Variants in ATP8A1 observed in about 807,000 individuals in gnomAD.
The protein encoded by ATP8A1 is ATPase phospholipid transporting 8A1, also known as phospholipid-transporting ATPase IA.
ATP8A1 carries 90 observed loss-of-function variants against 177.7 expected under a neutral mutation model. That is an observed-to-expected ratio of 0.51 (90% CI 0.43 to 0.60). The LOEUF (loss-of-function observed/expected upper bound fraction) is 0.60. Ranked by LOEUF, ATP8A1 falls within the 20% of genes least tolerant of loss-of-function variation. The probability of loss-of-function intolerance (pLI) is 0.00; values close to 1 mark genes in which losing one functional copy is unlikely to be tolerated. For synonymous variants in ATP8A1, 493 were observed against 485.9 expected (o/e 1.01, Z -0.19); for missense variants, 1,072 against 1,392.8 (o/e 0.77, Z 3.67).
intron 5 of ATP8A1, among the ~76,000 whole-genome samples, chr4:42,601,597 G>A (rs964277804): frequency 1.3e-5 from 2 of 151,822 alleles, no homozygotes; most frequent in Middle Eastern, 3.2e-3. Flanking sequence ...TGAGGTAGCC[G>A]GCACAGCACT....
At chr4:42,439,910 C>A (rs1343333702) in intron 33 of ATP8A1, among the ~76,000 whole-genome samples, 1 of 152,174 alleles carries the variant, frequency 6.6e-6, no homozygotes, top group Admixed American at 6.6e-5. Context: ...GATCAGACAT[C>A]GAAGTTGAAA....
At position 42,616,020 on chromosome 4, in the gene ATP8A1, G is replaced by A. The variant is rs762949830; in HGVS notation, c.409+13C>T. The A allele has an allele frequency of 1.9e-5, 30 of 1,609,636 alleles. No homozygotes were observed. In the East Asian group the frequency reaches 6.3e-4, roughly 34 times the overall value. Reference sequence around the variant, plus strand: ...TTTGACAAATATGAGAAAAAAGCATGTAAAATTCCTACCTTGCGTTTGTTT... The same window carrying A: ...TTTGACAAATATGAGAAAAAAGCATATAAAATTCCTACCTTGCGTTTGTTT... On this transcript the variant is annotated intron_variant, in intron 5 of 36. Coordinates refer to ENST00000381668, the MANE Select transcript of ATP8A1 (RefSeq NM_006095.2).
intron 36 of ATP8A1, among the ~76,000 whole-genome samples, chr4:42,413,484 G>A (rs10008830): frequency 0.055 from 8,384 of 152,172 alleles, 727 homozygotes; most frequent in African/African-American, 0.19. Flanking sequence ...CTGTGGGAAT[G>A]GCTTCAGGGA....
At chr4:42,540,370 G>C (rs1269104022) in intron 20 of ATP8A1, among the ~76,000 whole-genome samples, 1 of 152,066 alleles carries the variant, frequency 6.6e-6, no homozygotes, top group Non-Finnish European at 1.5e-5. Context: ...AAATAGTATA[G>C]AGAGTTCTCA....
intron 24 of ATP8A1, among the ~76,000 whole-genome samples, chr4:42,500,091 G>A (rs1334262730): frequency 1.3e-5 from 2 of 152,148 alleles, no homozygotes; most frequent in Non-Finnish European, 1.5e-5. Flanking sequence ...TTGGCTGGGC[G>A]CAGTGGCTCA....
intron 15 of ATP8A1, among the ~76,000 whole-genome samples, chr4:42,561,270 TCTC>T (rs1311465938): frequency 6.6e-6 from 1 of 152,096 alleles, no homozygotes; most frequent in Non-Finnish European, 1.5e-5. Context: ...GCACTTATGG[TCTC>T]CTCAATTCCA....
At chr4:42,444,807 C>T (rs113731569) in intron 31 of ATP8A1, among the ~76,000 whole-genome samples, 173 bp from the exon 32 acceptor site, 3,283 of 152,276 alleles carry the variant, frequency 0.022, 65 homozygotes, top group South Asian at 0.091. Flanking sequence ...GGGCAGCTGA[C>T]GGGACTGTGA....
At chr4:42,638,669 C>T (rs1739630451) in intron 1 of ATP8A1, among the ~76,000 whole-genome samples, 1 of 152,200 alleles carries the variant, frequency 6.6e-6, no homozygotes, top group Admixed American at 6.5e-5. Context: ...ATGACATCTC[C>T]TTGGGAATAA....
Position 42,443,629 on chromosome 4 carries a change from ACCACC to A in ATP8A1, c.3054_3058del (p.Trp1018CysfsTer18). 1 of 1,576,900 alleles carries A rather than the reference ACCACC, an allele frequency of 6.3e-7. No individual in the cohort carries two copies. The highest frequency in any genetic ancestry group is 8.7e-7 in the Non-Finnish European group (1 of 1,146,128). The stretch of plus-strand genomic sequence containing the variant: ...CAGAGATGAGTAGATTCCAAAAAAC[ACCACC>A]CAGAGTGCGATGCTCCCCCATATCG... On this transcript the variant is annotated frameshift_variant, in exon 33 of 37. Transcript: ENST00000381668. LOFTEE classifies it high-confidence loss of function.
chr4:42,601,685 A>T (rs1353934331), intron 5 of ATP8A1, among the ~76,000 whole-genome samples: 1 of 152,210 alleles, frequency 6.6e-6, no homozygotes, highest in Non-Finnish European at 1.5e-5. Flanking sequence ...AAAAGCATTT[A>T]ATATTTGTTT....
chr4:42,570,397 A>G (rs1254259681), intron 14 of ATP8A1, among the ~76,000 whole-genome samples: 2 of 152,238 alleles, frequency 1.3e-5, no homozygotes, highest in Non-Finnish European at 2.9e-5. Context: ...TGTTTAAAGC[A>G]ATCACTTCAG....
intron 33 of ATP8A1, among the ~76,000 whole-genome samples, chr4:42,442,530 C>T (rs1306332007): frequency 6.6e-6 from 1 of 152,172 alleles, no homozygotes; most frequent in African/African-American, 2.4e-5. Context: ...AAGAAGCCTT[C>T]ACTTTTTGTA....
intron 25 of ATP8A1, among the ~76,000 whole-genome samples, chr4:42,467,386 T>C (rs940590630): frequency 2.3e-4 from 35 of 152,244 alleles, no homozygotes; most frequent in African/African-American, 7.7e-4. Flanking sequence ...TCTGCTTCCA[T>C]TACCAAGCTT....
At chr4:42,649,145 C>A (rs1259274787) in intron 1 of ATP8A1, among the ~76,000 whole-genome samples, 1 of 152,072 alleles carries the variant, frequency 6.6e-6, no homozygotes, top group African/African-American at 2.4e-5. Flanking sequence ...AAATGTCCAC[C>A]CACAGGGTTC....
intron 5 of ATP8A1, among the ~76,000 whole-genome samples, chr4:42,602,218 T>A (rs1324930346): frequency 6.6e-6 from 1 of 152,192 alleles, no homozygotes; most frequent in Non-Finnish European, 1.5e-5. Context: ...CTTAAACAGT[T>A]ACGGACCAAG....
intron 17 of ATP8A1, among the ~76,000 whole-genome samples, chr4:42,551,482 T>C (rs369906562): frequency 2.0e-5 from 3 of 152,230 alleles, no homozygotes; most frequent in African/African-American, 7.2e-5. Context: ...TGGAGACACA[T>C]ACAGAACTCA....
At chr4:42,485,994 G>A (rs1722161119) in intron 24 of ATP8A1, among the ~76,000 whole-genome samples, 2 of 152,042 alleles carry the variant, frequency 1.3e-5, no homozygotes, top group South Asian at 2.1e-4. Flanking sequence ...CTTGTTCCCC[G>A]GTGCTGTAAA....
At chr4:42,476,162 G>A (rs1402401648) in intron 25 of ATP8A1, among the ~76,000 whole-genome samples, 1 of 152,224 alleles carries the variant, frequency 6.6e-6, no homozygotes, top group Non-Finnish European at 1.5e-5. Flanking sequence ...GGGCATACCA[G>A]CAGAGGGAAG....
intron 36 of ATP8A1, 48 bp downstream of exon 36, chr4:42,414,579 C>T: frequency 6.9e-7 from 1 of 1,454,602 alleles, no homozygotes; most frequent in Non-Finnish European, 9.7e-7. Flanking sequence ...TGCTATGATA[C>T]AGCAATGGCA....
Sources: gnomAD v4.1 joint callset for allele counts (sites outside exome capture counted in the v4.1 genomes callset) on GRCh38, gnomAD v4.1.1 for gene constraint, MANE v1.5 for transcripts, NCBI Gene and HGNC (gene_info 2026-07-23, HGNC 2026-07-21) for gene names.